Variants in DCLK2 observed in about 807,000 individuals in gnomAD.
The protein encoded by DCLK2 is serine/threonine-protein kinase DCLK2.
DCLK2 carries 31 observed loss-of-function variants against 78.4 expected under a neutral mutation model. The ratio of observed to expected loss-of-function variants is 0.40; its 90% confidence interval spans 0.30 to 0.53. DCLK2 has a LOEUF of 0.53. DCLK2 is among the 20% of genes least tolerant of loss of function. The pLI is 0.61. For missense variants in DCLK2, 872 were observed against 973.7 expected (o/e 0.90, Z 1.39); for synonymous variants, 407 against 374.9 (o/e 1.09, Z -0.99).
chr4:150,112,231 A>G (rs553911843), intron 2 of DCLK2, among the ~76,000 whole-genome samples: 2 of 152,252 alleles, frequency 1.3e-5, no homozygotes, highest in South Asian at 4.1e-4. Flanking sequence ...CAGCTATTGT[A>G]TAAAGGATTG....
At chr4:150,111,875 A>G (rs546710995) in intron 2 of DCLK2, among the ~76,000 whole-genome samples, 2 of 152,328 alleles carry the variant, frequency 1.3e-5, no homozygotes, top group Admixed American at 6.5e-5. Flanking sequence ...GTAGCCTTAT[A>G]GTATAATTTG....
chr4:150,107,802 A>G (rs77510214), intron 2 of DCLK2, among the ~76,000 whole-genome samples: 2,898 of 152,186 alleles, frequency 0.019, 78 homozygotes, highest in African/African-American at 0.067. Flanking sequence ...TTTACTGAGA[A>G]TTGAAAGTGA....
At chr4:150,186,253 G>A (rs887915453) in intron 2 of DCLK2, among the ~76,000 whole-genome samples, 3 of 151,796 alleles carry the variant, frequency 2.0e-5, no homozygotes, top group Admixed American at 2.0e-4. Flanking sequence ...GACGGATTTA[G>A]CGACCTGGTC....
At chr4:150,128,952 A>G (rs1288070672) in intron 2 of DCLK2, among the ~76,000 whole-genome samples, 1 of 152,188 alleles carries the variant, frequency 6.6e-6, no homozygotes, top group Non-Finnish European at 1.5e-5. Context: ...GGCAGAACAG[A>G]TATCAGGACT....
intron 2 of DCLK2, among the ~76,000 whole-genome samples, chr4:150,104,684 C>A (rs1326037384): frequency 6.6e-6 from 1 of 151,838 alleles, no homozygotes; most frequent in Non-Finnish European, 1.5e-5. Flanking sequence ...TATTCATAAT[C>A]CCAAACAGAT....
intron 2 of DCLK2, among the ~76,000 whole-genome samples, chr4:150,155,809 G>A (rs906794145): frequency 6.6e-6 from 1 of 152,150 alleles, no homozygotes; most frequent in Non-Finnish European, 1.5e-5. Context: ...GTGGATAGGG[G>A]TACATTGAGG....
chr4:150,200,378 T>G (rs373849189), intron 4 of DCLK2, among the ~76,000 whole-genome samples: 1 of 152,216 alleles, frequency 6.6e-6, no homozygotes, highest in African/African-American at 2.4e-5. Flanking sequence ...TTATAAGAGA[T>G]TAATTCAAAG....
intron 2 of DCLK2, among the ~76,000 whole-genome samples, chr4:150,181,191 T>G (rs980616562): frequency 1.3e-5 from 2 of 152,210 alleles, no homozygotes; most frequent in African/African-American, 4.8e-5. Flanking sequence ...TTTGTTATGC[T>G]TTTCTTTTGT....
At chr4:150,202,814 A>G (rs1031020227) in intron 4 of DCLK2, among the ~76,000 whole-genome samples, 9 of 152,198 alleles carry the variant, frequency 5.9e-5, no homozygotes, top group Admixed American at 5.2e-4. Flanking sequence ...GGAGAAAAAC[A>G]TATATCAATA....
chr4:150,176,746 T>G (rs1737118500), intron 2 of DCLK2, among the ~76,000 whole-genome samples: 1 of 152,194 alleles, frequency 6.6e-6, no homozygotes. Flanking sequence ...GCTTTTCCAT[T>G]CAAATCTAAT....
chr4:150,195,317 TTATATTA>T lies in DCLK2; in HGVS notation c.859+2090_859+2096del. ...TATATATTATATATTATATTATATA[TTATATTA>T]TATATTATATATATTATATAATATT... is the stretch of plus-strand genomic sequence containing the variant. On this transcript the variant is annotated intron_variant, in intron 3 of 15. Transcript: ENST00000296550. Among the ~76,000 whole-genome samples, 2 of 3,362 alleles carry T rather than the reference TTATATTA, an allele frequency of 5.9e-4. 1 individual carries two copies. Among genetic ancestry groups the T allele is most frequent in the South Asian group, 0.014 (2 of 146 alleles). The allele number at this position is 3,362 out of a possible 152,430, so 2.2% of individuals were successfully genotyped here. A position where few individuals can be genotyped will look rare whatever the true frequency, so the allele number is the denominator to read the frequency against.
chr4:150,130,327 A>C (rs867981744), intron 2 of DCLK2, among the ~76,000 whole-genome samples: 39 of 152,258 alleles, frequency 2.6e-4, no homozygotes, highest in African/African-American at 7.2e-4. Context: ...GCCAGAAGAC[A>C]GAAGTGTGAG....
intron 1 of DCLK2, among the ~76,000 whole-genome samples, chr4:150,098,703 T>C (rs1378671377): frequency 6.7e-6 from 1 of 150,014 alleles, no homozygotes; most frequent in African/African-American, 2.4e-5. Context: ...TTTTTCTTTT[T>C]TTTTTTTTTT....
intron 2 of DCLK2, among the ~76,000 whole-genome samples, chr4:150,187,023 A>G (rs1738009763): frequency 1.3e-5 from 2 of 152,356 alleles, no homozygotes; most frequent in Non-Finnish European, 2.9e-5. Context: ...TAATTTTAGC[A>G]TAAAAATAAG....
chr4:150,151,422 C>T (rs1560814984), intron 2 of DCLK2, among the ~76,000 whole-genome samples: 1 of 152,206 alleles, frequency 6.6e-6, no homozygotes, highest in African/African-American at 2.4e-5. Flanking sequence ...CTAGAGTGAA[C>T]TCACTTCTTG....
chr4:150,138,886 A>G (rs530004771), intron 2 of DCLK2, among the ~76,000 whole-genome samples: 79 of 152,076 alleles, frequency 5.2e-4, no homozygotes, highest in African/African-American at 1.5e-3. Flanking sequence ...GGATGGTCTC[A>G]ATCTCCTGAC....
intron 1 of DCLK2, among the ~76,000 whole-genome samples, chr4:150,088,001 A>G (rs1270114429): frequency 6.6e-6 from 1 of 150,712 alleles, no homozygotes; most frequent in Non-Finnish European, 1.5e-5. Flanking sequence ...AGATCAGAGA[A>G]AAACGTTTGC....
rs1473888109 is a variant in DCLK2, at chr4:150,149,083, G to C, written c.757-44055G>C. 8.8e-5 allele frequency among the ~76,000 whole-genome samples: 13 copies of C among 148,164 alleles called. 1 individual carries two copies. The highest frequency in any genetic ancestry group is 1.5e-4 in the Non-Finnish European group (10 of 67,302). On this transcript the variant is annotated intron_variant, in intron 2 of 15. Coordinates refer to ENST00000296550, the MANE Select transcript of DCLK2 (RefSeq NM_001040260.4). ...AAAGAAATGGAGACCATGGATACCT[G>C]AAAGAAAAGAAAAGAAAGAAAGAAA...
intron 2 of DCLK2, among the ~76,000 whole-genome samples, chr4:150,172,626 AAAAG>A (rs1374580069): frequency 1.3e-5 from 2 of 151,298 alleles, no homozygotes; most frequent in African/African-American, 4.9e-5. Flanking sequence ...AAAAAAAAAA[AAAAG>A]AAATCCATAG....
Sources: allele counts gnomAD v4.1 joint callset (sites outside exome capture counted in the v4.1 genomes callset), GRCh38; gene constraint gnomAD v4.1.1; transcripts MANE v1.5; gene names NCBI Gene and HGNC (gene_info 2026-07-23, HGNC 2026-07-21).